RIC1: variants seen among roughly 807,000 people sequenced by gnomAD.
RIC1 encodes the protein RIC1 partner of RAB6A GEF complex, also known as guanine nucleotide exchange factor subunit RIC1.
In RIC1, 88 loss-of-function variants were observed where a neutral mutation model predicts 169.0. That is an observed-to-expected ratio of 0.52 (90% CI 0.44 to 0.62). The LOEUF (loss-of-function observed/expected upper bound fraction) is 0.62. Ranked by LOEUF, RIC1 falls within the 20% of genes least tolerant of loss-of-function variation. The probability of loss-of-function intolerance (pLI) is 0.00; values close to 1 mark genes in which losing one functional copy is unlikely to be tolerated. For synonymous variants in RIC1, 790 were observed against 601.5 expected, an observed-to-expected ratio of 1.31 and a Z score of -4.59; for missense variants, 1,877 against 1,725.5, an observed-to-expected ratio of 1.09 and a Z score of -1.56.
At chr9:5,746,883 G>T (rs1352685069) in intron 11 of RIC1, among the ~76,000 whole-genome samples, 1 of 152,082 alleles carries the variant, frequency 6.6e-6, no homozygotes, top group African/African-American at 2.4e-5. Context: ...TATTCCACTT[G>T]AAGACTAAGG....
rs113942125 is a variant in RIC1 at position 5,638,141 on chromosome 9, A to G, written c.144+8688A>G. On this transcript the variant is annotated intron_variant, in intron 1 of 25. Transcript: ENST00000414202. ...GTCCTTCATTCTGTTGATATGATGT[A>G]TCACATTGATTGATTTGCATATGTT... Among the ~76,000 whole-genome samples, 495 of 152,324 alleles carry G rather than the reference A, an allele frequency of 3.2e-3. 2 individuals carry two copies. Among genetic ancestry groups the G allele is most frequent in the African/African-American group, 0.011 (462 of 41,582 alleles).
chr9:5,651,020 T>C (rs1818771654), intron 1 of RIC1, among the ~76,000 whole-genome samples: 1 of 152,130 alleles, frequency 6.6e-6, no homozygotes, highest in South Asian at 2.1e-4. Flanking sequence ...TGTAACTGTT[T>C]AGGTCTCATG....
In RIC1 at chr9:5,713,925, A is replaced by C. The variant is rs1261245402; in HGVS notation, c.362A>C (p.His121Pro). The change falls in exon 4 of 26, where the codon CAT (histidine) becomes CCT (proline). Residue 121 changes from histidine (H) to proline (P), a missense_variant. Physicochemically the swap from His to Pro is moderately conservative, Grantham distance 77. Coordinates refer to ENST00000414202, the MANE Select transcript of RIC1 (RefSeq NM_020829.4). Reference protein sequence around the residue: ...KGSPQMKGTPHFKEEQCAPAL... With the variant: ...KGSPQMKGTPPFKEEQCAPAL... ...AGTCCACAAATGAAGGGGACACCCC[A>C]TTTTAAGGAAGAACAGTGTGCTCCA... 2.5e-6 allele frequency: 4 copies of C among 1,613,054 alleles called. No individual in the cohort carries two copies. The highest frequency in any genetic ancestry group is 3.4e-6 in the Non-Finnish European group (4 of 1,179,356).
intron 8 of RIC1, 43 bp from the exon 9 acceptor site, chr9:5,742,826 A>T: frequency 8.1e-6 from 11 of 1,350,138 alleles, no homozygotes; most frequent in Non-Finnish European, 1.0e-5. Flanking sequence ...AGTATTTCTG[A>T]AGCAACTATT....
At position 5,773,078 on chromosome 9, in the gene RIC1, CTGGT is replaced by C. The variant is rs773626939; in HGVS notation, c.3982_3983+2del. The C allele has an allele frequency of 6.3e-7, 1 of 1,590,788 alleles. No homozygotes were observed. Among genetic ancestry groups the C allele is most frequent in the African/African-American group, 1.3e-5 (1 of 74,260 alleles). On this transcript the variant is annotated splice_donor_variant and coding_sequence_variant, in exon 25 of 26. Coordinates refer to ENST00000414202, the MANE Select transcript of RIC1 (RefSeq NM_020829.4). LOFTEE classifies it high-confidence loss of function. ...CAGTGGACCGATGGGCCTCTACAGA[CTGGT>C]AAGTGCTGCTTTCCTTAGGCTTGGT...
intron 16 of RIC1, 39 bp downstream of exon 16, chr9:5,756,411 A>G (rs749412452): frequency 1.2e-5 from 15 of 1,280,932 alleles, no homozygotes; most frequent in East Asian, 2.8e-5. Flanking sequence ...TTTTGCTCCT[A>G]TTTACCACGT....
intron 2 of RIC1, among the ~76,000 whole-genome samples, chr9:5,688,869 C>G (rs552623823): frequency 1.3e-5 from 2 of 152,006 alleles, no homozygotes; most frequent in Non-Finnish European, 2.9e-5. Context: ...GTAGTTTGGG[C>G]AAAACACTGC....
intron 2 of RIC1, among the ~76,000 whole-genome samples, chr9:5,673,916 G>T (rs1820278491): frequency 6.6e-6 from 1 of 151,962 alleles, no homozygotes. Context: ...TGTCATAAAA[G>T]CAGATTATAA....
intron 1 of RIC1, among the ~76,000 whole-genome samples, chr9:5,635,221 C>G (rs1586855152): frequency 2.0e-5 from 3 of 152,152 alleles, no homozygotes; most frequent in Non-Finnish European, 2.9e-5. Flanking sequence ...CACAAGTGAT[C>G]TGCCCATCTC....
intron 4 of RIC1, chr9:5,719,055 G>A (rs1335066409): frequency 6.6e-6 from 1 of 151,998 alleles, no homozygotes; most frequent in Non-Finnish European, 1.5e-5. Flanking sequence ...ATTTAATAGG[G>A]TATATATAAT....
At chr9:5,744,289 A>AT (rs935804274) in intron 10 of RIC1, among the ~76,000 whole-genome samples, 25 of 151,916 alleles carry the variant, frequency 1.6e-4, no homozygotes, top group Non-Finnish European at 3.4e-4. Flanking sequence ...CTCATTGGGC[A>AT]TTTTTCCTGG....
At chr9:5,665,923 G>C (rs1819725435) in intron 2 of RIC1, among the ~76,000 whole-genome samples, 1 of 152,172 alleles carries the variant, frequency 6.6e-6, no homozygotes, top group African/African-American at 2.4e-5. Context: ...ACGGGATCAG[G>C]GACCCACTTA....
At chr9:5,659,036 C>G (rs981006859) in intron 2 of RIC1, among the ~76,000 whole-genome samples, 1 of 151,958 alleles carries the variant, frequency 6.6e-6, no homozygotes, top group Non-Finnish European at 1.5e-5. Flanking sequence ...GTACTTTAAA[C>G]CCCAATTTAC....
At position 5,632,538 on chromosome 9, in the gene RIC1, G is replaced by C. The variant is rs147885248; in HGVS notation, c.144+3085G>C. 8.2e-3 allele frequency among the ~76,000 whole-genome samples: 1,243 copies of C among 152,190 alleles called. 15 individuals carry two copies. The highest frequency in any genetic ancestry group is 0.029 in the African/African-American group (1,198 of 41,520). On this transcript the variant is annotated intron_variant, in intron 1 of 25. Transcript: ENST00000414202. ...AAAAGAGCCTCTAGATAGTTACTTAGCTTTTTTATATTGGAGCCCCAATAT... is the reference window on the plus strand; with the variant it reads ...AAAAGAGCCTCTAGATAGTTACTTACCTTTTTTATATTGGAGCCCCAATAT...
chr9:5,705,746 T>C (rs1822548614), intron 3 of RIC1, among the ~76,000 whole-genome samples: 2 of 152,228 alleles, frequency 1.3e-5, no homozygotes, highest in Non-Finnish European at 2.9e-5. Flanking sequence ...TAAACAGTCA[T>C]TTACTGTTGA....
chr9:5,694,075 C>T (rs1821749155), intron 3 of RIC1, among the ~76,000 whole-genome samples: 1 of 152,176 alleles, frequency 6.6e-6, no homozygotes, highest in Admixed American at 6.5e-5. Context: ...GATGGCAATA[C>T]TTCTTACCAG....
chr9:5,705,194 T>TG (rs1409458697), intron 3 of RIC1, among the ~76,000 whole-genome samples: 6 of 144,884 alleles, frequency 4.1e-5, no homozygotes, highest in East Asian at 2.0e-4. Context: ...CCATTTCTGT[T>TG]TTTTTTTTTT....
intron 16 of RIC1, 94 bp from the exon 17 acceptor site, chr9:5,757,219 A>G: frequency 1.4e-6 from 2 of 1,407,546 alleles, no homozygotes; most frequent in African/African-American, 1.4e-5. Flanking sequence ...TGAGTCTTCC[A>G]TAAGCATGAA....
intron 6 of RIC1, 64 bp from the exon 7 acceptor site, chr9:5,732,324 T>A: frequency 8.1e-7 from 1 of 1,235,094 alleles, no homozygotes; most frequent in Non-Finnish European, 1.2e-6. Context: ...GAAGGAGAAT[T>A]ATATTGACTA....
Sources: allele counts gnomAD v4.1 joint callset (sites outside exome capture counted in the v4.1 genomes callset), GRCh38; gene constraint gnomAD v4.1.1; transcripts MANE v1.5; gene names NCBI Gene and HGNC (gene_info 2026-07-23, HGNC 2026-07-21).